Variants in NYAP2 observed in about 807,000 individuals in gnomAD.
NYAP2 encodes the protein neuronal tyrosine-phosphorylated phosphoinositide-3-kinase adaptor 2.
Under a neutral mutation model 50.4 loss-of-function variants are expected in NYAP2, and 23 were observed. The observed-to-expected ratio is 0.46, with a 90% confidence interval of 0.33 to 0.65. The LOEUF (loss-of-function observed/expected upper bound fraction) is 0.65, where lower values mean the gene tolerates loss of function less well. Among genes scored for constraint, NYAP2 ranks in the 30% least tolerant of loss-of-function variants. NYAP2 has a pLI of 0.02. For synonymous variants in NYAP2, 394 were observed against 365.2 expected, an observed-to-expected ratio of 1.08 and a Z score of -0.90; for missense variants, 885 against 861.0, an observed-to-expected ratio of 1.03 and a Z score of -0.35.
chr2:225,589,013 G>A (rs1370812228), intron 5 of NYAP2, among the ~76,000 whole-genome samples: 1 of 152,108 alleles, frequency 6.6e-6, no homozygotes, highest in Non-Finnish European at 1.5e-5. Flanking sequence ...CTTTCAGATA[G>A]TTTTATTGAT....
chr2:225,628,344 G>A (rs1216214031), intron 6 of NYAP2, among the ~76,000 whole-genome samples: 4 of 108,346 alleles, frequency 3.7e-5, no homozygotes, highest in Non-Finnish European at 7.1e-5. Context: ...TTTTTGAGAT[G>A]GAGTTTCACT....
intron 4 of NYAP2, among the ~76,000 whole-genome samples, chr2:225,518,857 A>C (rs1408949389): frequency 3.3e-5 from 5 of 151,690 alleles, no homozygotes; most frequent in Non-Finnish European, 7.4e-5. Flanking sequence ...CATCGGTCTA[A>C]AAATATAAAA....
intron 3 of NYAP2, among the ~76,000 whole-genome samples, chr2:225,439,237 A>G (rs1207759004): frequency 6.6e-6 from 1 of 152,202 alleles, no homozygotes; most frequent in African/African-American, 2.4e-5. Flanking sequence ...AGGAAAGAGC[A>G]CAGTTGAAAA....
intron 3 of NYAP2, among the ~76,000 whole-genome samples, chr2:225,491,465 A>G (rs1690406848): frequency 6.6e-6 from 1 of 152,176 alleles, no homozygotes; most frequent in Admixed American, 6.5e-5. Context: ...TGGATTCTAA[A>G]TCAGAGAATT....
chr2:225,476,420 A>G (rs955383492), intron 3 of NYAP2, among the ~76,000 whole-genome samples: 3 of 152,196 alleles, frequency 2.0e-5, no homozygotes, highest in South Asian at 4.1e-4. Flanking sequence ...CTCAAAAAAA[A>G]AAAAAAAAAA....
At chr2:225,507,728 T>A (rs201285385) in intron 3 of NYAP2, among the ~76,000 whole-genome samples, 4 of 151,944 alleles carry the variant, frequency 2.6e-5, no homozygotes, top group Non-Finnish European at 5.9e-5. Context: ...GGGAAAAGAC[T>A]TAAATGTAGG....
intron 3 of NYAP2, among the ~76,000 whole-genome samples, chr2:225,484,228 G>A (rs1256484142): frequency 6.6e-6 from 1 of 152,190 alleles, no homozygotes; most frequent in Non-Finnish European, 1.5e-5. Context: ...TTTTGTCTTA[G>A]TTCTACAAGC....
chr2:225,695,045 T>C, the NYAP2 span, among the ~76,000 whole-genome samples: 1 of 151,564 alleles, frequency 6.6e-6, no homozygotes, highest in Non-Finnish European at 1.5e-5. Context: ...AAGAATAAAA[T>C]TCCAAGCTTT....
At chr2:225,497,924 A>G (rs922667715) in intron 3 of NYAP2, among the ~76,000 whole-genome samples, 3 of 152,162 alleles carry the variant, frequency 2.0e-5, no homozygotes, top group African/African-American at 7.2e-5. Context: ...TGGATGACAT[A>G]ACTTATTATC....
chr2:225,691,156 T>C, the NYAP2 span, among the ~76,000 whole-genome samples: 1 of 152,178 alleles, frequency 6.6e-6, no homozygotes, highest in Non-Finnish European at 1.5e-5. Flanking sequence ...TTAAATTTTA[T>C]TAATTATTTT....
chr2:225,682,579 G>A, the NYAP2 span, among the ~76,000 whole-genome samples: 4 of 152,156 alleles, frequency 2.6e-5, no homozygotes, highest in Non-Finnish European at 5.9e-5. Context: ...GGTGGAGGAG[G>A]AAAGGAGACT....
At chr2:225,483,034 T>G (rs1690231877) in intron 3 of NYAP2, among the ~76,000 whole-genome samples, 1 of 152,214 alleles carries the variant, frequency 6.6e-6, no homozygotes, top group African/African-American at 2.4e-5. Context: ...AGTGCACCTG[T>G]TTGAATATTC....
At chr2:225,650,890 T>A (rs7580621) in intron 6 of NYAP2, among the ~76,000 whole-genome samples, 79,799 of 152,026 alleles carry the variant, frequency 0.52, 21,435 homozygotes, top group Admixed American at 0.66. Flanking sequence ...GAAAGCTTTT[T>A]AAGTTGGAAA....
intron 4 of NYAP2, among the ~76,000 whole-genome samples, chr2:225,580,616 T>G (rs1692255371): frequency 6.6e-6 from 1 of 152,190 alleles, no homozygotes; most frequent in African/African-American, 2.4e-5. Context: ...TCTAGAAAGG[T>G]GAAATACATA....
intron 5 of NYAP2, among the ~76,000 whole-genome samples, chr2:225,606,939 T>C (rs16866664): frequency 6.6e-6 from 1 of 152,112 alleles, no homozygotes; most frequent in Non-Finnish European, 1.5e-5. Flanking sequence ...ATATTTTGTA[T>C]GTAAAACCAC....
chr2:225,673,170 C>T, the NYAP2 span, among the ~76,000 whole-genome samples: 17 of 151,950 alleles, frequency 1.1e-4, no homozygotes, highest in Non-Finnish European at 2.2e-4. Context: ...ATGGAACCAT[C>T]GGACCTGGTG....
At chr2:225,617,357 A>G (rs1244933257) in intron 5 of NYAP2, among the ~76,000 whole-genome samples, 1 of 152,010 alleles carries the variant, frequency 6.6e-6, no homozygotes, top group Non-Finnish European at 1.5e-5. Flanking sequence ...TGAACCCGGG[A>G]GATGGAGGTT....
chr2:225,581,024 T>G (rs1380538499), intron 4 of NYAP2, among the ~76,000 whole-genome samples: 1 of 152,240 alleles, frequency 6.6e-6, no homozygotes, highest in Non-Finnish European at 1.5e-5. Flanking sequence ...CTGAATTTAG[T>G]CACAGGCATT....
intron 3 of NYAP2, among the ~76,000 whole-genome samples, chr2:225,414,260 T>A (rs1695089653): frequency 6.6e-6 from 1 of 152,210 alleles, no homozygotes; most frequent in Non-Finnish European, 1.5e-5. Flanking sequence ...AGCGATGCTC[T>A]TAGTGTTTTT....
Sources: allele counts gnomAD v4.1 joint callset (sites outside exome capture counted in the v4.1 genomes callset), GRCh38; gene constraint gnomAD v4.1.1; transcripts MANE v1.5; gene names NCBI Gene and HGNC (gene_info 2026-07-23, HGNC 2026-07-21).